The following SLC43A2 variants were observed in gnomAD, a reference collection of about 807,000 sequenced individuals.
The protein encoded by SLC43A2 is large neutral amino acids transporter small subunit 4.
A neutral mutation model predicts 63.2 loss-of-function variants in SLC43A2; 38 were observed. The observed-to-expected ratio is 0.60, with a 90% CI of 0.46 to 0.79. The LOEUF is 0.79. Ranked by LOEUF, SLC43A2 falls within the 30% of genes least tolerant of loss-of-function variation. The pLI is 0.00. For synonymous variants in SLC43A2, 322 were observed against 331.0 expected (o/e 0.97, Z 0.30); for missense variants, 644 against 756.2 (o/e 0.85, Z 1.74).
chr17:1,598,524 A>C (rs1905549208), intron 5 of SLC43A2, among the ~76,000 whole-genome samples: 1 of 152,196 alleles, frequency 6.6e-6, no homozygotes, highest in Admixed American at 6.5e-5. Flanking sequence ...GGTGAGGCTA[A>C]CATGTAGGTT....
At position 1,605,256 on chromosome 17, in the gene SLC43A2, T is replaced by A; in HGVS notation, c.501+7939A>T. On this transcript the variant is annotated intron_variant, in intron 5 of 13. Coordinates refer to ENST00000301335, the MANE Select transcript of SLC43A2 (RefSeq NM_152346.3). The surrounding 1 kb of genome is among the most constrained non-coding windows in gnomAD (Gnocchi z 4.9). ...ACTCTCTCTCTTTCAGCCCCCTGGC[T>A]GCAGCATAAACAGGCCGGACTGTGT... 1 of 1,080,726 alleles carries A rather than the reference T, an allele frequency of 9.3e-7. No individual in the cohort carries two copies. The highest frequency in any genetic ancestry group is 1.1e-6 in the Non-Finnish European group (1 of 884,614). The allele number at this position is 1,080,726 out of a possible 1,614,324, so 66.9% of individuals were successfully genotyped here.
intron 2 of SLC43A2, among the ~76,000 whole-genome samples, chr17:1,622,261 C>T (rs904278915): frequency 3.3e-5 from 5 of 152,234 alleles, no homozygotes; most frequent in African/African-American, 4.8e-5. Flanking sequence ...AAGTGAAAGG[C>T]TGGATTTAAG....
intron 11 of SLC43A2, among the ~76,000 whole-genome samples, chr17:1,581,594 G>A (rs1017990532): frequency 6.6e-6 from 1 of 152,168 alleles, no homozygotes; most frequent in South Asian, 2.1e-4. Context: ...GACCCAAGAT[G>A]CCATCTGGAC....
chr17:1,625,628 T>G (rs531906497), intron 2 of SLC43A2, among the ~76,000 whole-genome samples: 1 of 152,290 alleles, frequency 6.6e-6, no homozygotes, highest in Non-Finnish European at 1.5e-5. Context: ...AAACTGGTGA[T>G]GCAGACTCCA....
chr17:1,585,602 G>A, intron 10 of SLC43A2: 2 of 1,121,588 alleles, frequency 1.8e-6, no homozygotes, highest in Non-Finnish European at 2.4e-6. Context: ...TTCCCAGGCT[G>A]GTCTCCAACT....
chr17:1,617,533 G>A (rs1183544094), intron 2 of SLC43A2, among the ~76,000 whole-genome samples: 1 of 152,084 alleles, frequency 6.6e-6, no homozygotes. Context: ...TGGGATTACA[G>A]GCACCTGCCA....
chr17:1,611,500 T>C (rs541293378), intron 5 of SLC43A2, among the ~76,000 whole-genome samples: 1 of 151,854 alleles, frequency 6.6e-6, no homozygotes, highest in African/African-American at 2.4e-5. Context: ...CGAGGCGTGA[T>C]GGTGCACGCC....
chr17:1,600,156 T>TA (rs1905829885), intron 5 of SLC43A2, among the ~76,000 whole-genome samples: 2 of 44,824 alleles, frequency 4.5e-5, no homozygotes, highest in Admixed American at 3.2e-4. Flanking sequence ...ATATATATTT[T>TA]TTTTTTTTTT....
intron 4 of SLC43A2, 138 bp from the exon 5 acceptor site, chr17:1,613,409 G>A (rs1000857415): frequency 2.9e-6 from 2 of 683,320 alleles, no homozygotes; most frequent in Non-Finnish European, 2.6e-6. Flanking sequence ...TGACATCTGG[G>A]GAGTGGAACT....
chr17:1,597,464 C>T (rs930014065), intron 5 of SLC43A2, among the ~76,000 whole-genome samples: 57 of 145,214 alleles, frequency 3.9e-4, no homozygotes, highest in Admixed American at 5.1e-4. Context: ...AAGATTGTGC[C>T]ACTGCACTCC....
chr17:1,587,106 A>G (rs9904084), intron 9 of SLC43A2: 628 of 23,886 alleles, frequency 0.026, 4 homozygotes, highest in Non-Finnish European at 0.036. Flanking sequence ...CCCGCACTGC[A>G]TTTCCCACTA....
chr17:1,598,699 C>T (rs1311594933), intron 5 of SLC43A2, among the ~76,000 whole-genome samples: 2 of 152,220 alleles, frequency 1.3e-5, no homozygotes, highest in African/African-American at 4.8e-5. Context: ...AACAGAGCCA[C>T]AGGGCCCTGG....
intron 4 of SLC43A2, among the ~76,000 whole-genome samples, chr17:1,613,886 C>T (rs753045607): frequency 3.3e-5 from 5 of 152,096 alleles, no homozygotes; most frequent in Non-Finnish European, 5.9e-5. Flanking sequence ...ATTGCTTGAG[C>T]CCAGGGGTTC....
intron 9 of SLC43A2, chr17:1,586,932 C>CCCCCCCCCCCCCCCCCCCCGG: frequency 7.5e-7 from 1 of 1,330,042 alleles, no homozygotes; most frequent in Non-Finnish European, 1.0e-6. Flanking sequence ...TGACAATCCC[C>CCCCCCCCCCCCCCCCCCCCGG]CCCACCCCCC....
In SLC43A2 at chr17:1,605,114, A is replaced by G; in HGVS notation, c.501+8081T>C. The G allele has an allele frequency of 2.3e-6, 3 of 1,323,706 alleles. No homozygotes were observed. Among genetic ancestry groups the G allele is most frequent in the Non-Finnish European group, 2.9e-6 (3 of 1,032,070 alleles). The allele number at this position is 1,323,706 out of a possible 1,614,324, so 82.0% of individuals were successfully genotyped here. A position where few individuals can be genotyped will look rare whatever the true frequency, so the allele number is the denominator to read the frequency against. ...AGTGCAAGCCCCTCTTCCCGCCCTC[A>G]GGTGCTTCCCACAGCCCCCTCGCCG... On this transcript the variant is annotated intron_variant, in intron 5 of 13. Coordinates refer to ENST00000301335, the MANE Select transcript of SLC43A2 (RefSeq NM_152346.3). This position sits in a 1 kb window ranked among gnomAD's most constrained non-coding sequence, Gnocchi z 4.9.
At position 1,606,435 on chromosome 17, in the gene SLC43A2, G is replaced by A. The variant is rs1412161340; in HGVS notation, c.501+6760C>T. On this transcript the variant is annotated intron_variant, in intron 5 of 13. Transcript: ENST00000301335. This position sits in a 1 kb window ranked among gnomAD's most constrained non-coding sequence, Gnocchi z 4.7. The stretch of plus-strand genomic sequence containing the variant: ...ATCCACAGAGAAATGTCTCATCGGG[G>A]AGCCTGGCAACATTTTGAAACCCGC... 1.3e-5 allele frequency among the ~76,000 whole-genome samples: 2 copies of A among 152,216 alleles called. No homozygotes were observed. Among genetic ancestry groups the A allele is most frequent in the African/African-American group, 2.4e-5 (1 of 41,462 alleles).
At chr17:1,580,822 C>T (rs1484805465) in intron 11 of SLC43A2, among the ~76,000 whole-genome samples, 1 of 151,932 alleles carries the variant, frequency 6.6e-6, no homozygotes, top group African/African-American at 2.4e-5. Flanking sequence ...CCTCAACTTC[C>T]CGGGGTGCAG....
intron 6 of SLC43A2, among the ~76,000 whole-genome samples, chr17:1,592,984 G>A (rs576843780): frequency 4.6e-5 from 7 of 152,280 alleles, no homozygotes; most frequent in Admixed American, 1.3e-4. Context: ...GGCAGATCCT[G>A]CAGCCACATG....
chr17:1,602,929 T>G (rs942594302), intron 5 of SLC43A2, among the ~76,000 whole-genome samples: 3 of 151,728 alleles, frequency 2.0e-5, no homozygotes, highest in African/African-American at 7.3e-5. Context: ...CGGCTAATTT[T>G]TGTATTTTTA....
Sources: allele counts gnomAD v4.1 joint callset (sites outside exome capture counted in the v4.1 genomes callset), GRCh38; gene constraint gnomAD v4.1.1; non-coding constraint Gnocchi (gnomAD v3.1); transcripts MANE v1.5; gene names NCBI Gene and HGNC (gene_info 2026-07-23, HGNC 2026-07-21).